Variants in TRIM3 observed in about 807,000 individuals in gnomAD.
The protein encoded by TRIM3 is tripartite motif containing 3, also known as tripartite motif-containing protein 3.
A neutral mutation model predicts 66.6 loss-of-function variants in TRIM3; 13 were observed. That is an observed-to-expected ratio of 0.20 (90% CI 0.13 to 0.31). The LOEUF (loss-of-function observed/expected upper bound fraction) is 0.31. Among genes scored for constraint, TRIM3 ranks in the 10% least tolerant of loss-of-function variants. The pLI is 1.00. For synonymous variants in TRIM3, 406 were observed against 411.7 expected, an observed-to-expected ratio of 0.99 and a Z score of 0.17; for missense variants, 711 against 1,020.4, an observed-to-expected ratio of 0.70 and a Z score of 4.13.
chr11:6,473,451 C>T (rs1321787303), intron 1 of TRIM3, among the ~76,000 whole-genome samples: 1 of 151,844 alleles, frequency 6.6e-6, no homozygotes, highest in African/African-American at 2.4e-5. Context: ...AGATGGGCCA[C>T]AATATTCCAG....
chr11:6,466,016 T>C (rs1850449056), intron 1 of TRIM3, among the ~76,000 whole-genome samples: 1 of 152,236 alleles, frequency 6.6e-6, no homozygotes, highest in African/African-American at 2.4e-5. Flanking sequence ...TCTCTTAATT[T>C]GTAATTACAG....
chr11:6,466,326 A>G (rs1850468381), intron 1 of TRIM3, among the ~76,000 whole-genome samples: 1 of 152,206 alleles, frequency 6.6e-6, no homozygotes, highest in Non-Finnish European at 1.5e-5. Context: ...CCCCTAATTC[A>G]GGCAACCATC....
At position 6,449,047 on chromosome 11, in the gene TRIM3, G is replaced by C. The variant is rs149261007; in HGVS notation, c.2216C>G (p.Ala739Gly). Residue 739 changes from alanine to glycine, a missense_variant, in exon 12 of 12, where the codon GCC becomes GGC. Around this residue, in one of 3 missense-constraint regions of TRIM3, gnomAD observed 163 missense variants for 321.9 expected, o/e 0.51. Transcript: ENST00000345851. This position sits in a 1 kb window ranked among gnomAD's most constrained non-coding sequence, Gnocchi z 5.3. ...VADAGNHCFK[A>G]YRYLQ is the part of the protein sequence containing the mutation. ...GTACAGCTACTGGAGGTAGCGATAGGCTTTAAAGCAGTGGTTGCCAGCATC... is the reference window on the plus strand; with the variant it reads ...GTACAGCTACTGGAGGTAGCGATAGCCTTTAAAGCAGTGGTTGCCAGCATC... 1.2e-6 allele frequency: 2 copies of C among 1,614,152 alleles called. No individual in the cohort carries two copies. The highest frequency in any genetic ancestry group is 4.5e-5 in the East Asian group (2 of 44,884).
At chr11:6,452,116 T>C (rs1849748895) in intron 7 of TRIM3, 1 of 152,542 alleles carries the variant, frequency 6.6e-6, no homozygotes, top group Non-Finnish European at 1.5e-5. Flanking sequence ...TGAGACTTAG[T>C]AGCAGACTGG....
At position 6,456,272 on chromosome 11, in the gene TRIM3, T is replaced by G. The variant is rs371544938; in HGVS notation, c.1429+25A>C. ...ACCCACTACCTGAGCCTGGCCCATC[T>G]GGCTCTGCCCTCGGCTGTCTGTACC... On this transcript the variant is annotated intron_variant, in intron 6 of 11. Coordinates refer to ENST00000345851, the MANE Select transcript of TRIM3 (RefSeq NM_033278.4). This position sits in a 1 kb window ranked among gnomAD's most constrained non-coding sequence, Gnocchi z 6.4. 15 of 1,584,240 alleles carry G rather than the reference T, an allele frequency of 9.5e-6. No individual in the cohort carries two copies. In the African/African-American group the frequency reaches 2.0e-4, roughly 21 times the overall value.
rs371457884 is a variant in TRIM3 at position 6,458,303 on chromosome 11, A to G, written c.132-7T>C. On this transcript the variant is annotated splice_region_variant and splice_polypyrimidine_tract_variant and intron_variant, in intron 2 of 11. Coordinates refer to ENST00000345851, the MANE Select transcript of TRIM3 (RefSeq NM_033278.4). This position sits in a 1 kb window ranked among gnomAD's most constrained non-coding sequence, Gnocchi z 6.2. ...GATATAGTTTTGGAGACATCTGTCC[A>G]GGAAGGAGAGTCAAAGAACAGAGTG... 1.9e-6 allele frequency: 3 copies of G among 1,606,782 alleles called. No homozygotes were observed. Among genetic ancestry groups the G allele is most frequent in the Non-Finnish European group, 2.6e-6 (3 of 1,174,132 alleles).
chr11:6,449,278 C>T lies in TRIM3; in HGVS notation c.2082+28G>A. On this transcript the variant is annotated intron_variant, in intron 11 of 11. Coordinates refer to ENST00000345851, the MANE Select transcript of TRIM3 (RefSeq NM_033278.4). This position sits in a 1 kb window ranked among gnomAD's most constrained non-coding sequence, Gnocchi z 5.3. ...TATGGGACACACCAGGAAACCGCCC[C>T]CTCATGTCATTCCCAGGCCTTACTC... 1 of 1,611,578 alleles carries T rather than the reference C, an allele frequency of 6.2e-7. No homozygotes were observed. Among genetic ancestry groups the T allele is most frequent in the Non-Finnish European group, 8.5e-7 (1 of 1,177,918 alleles).
chr11:6,449,616 A>T lies in TRIM3; in HGVS notation c.1942-170T>A. 1.8e-6 allele frequency: 1 copy of T among 552,094 alleles called. No homozygotes were observed. Among genetic ancestry groups the T allele is most frequent in the Non-Finnish European group, 3.1e-6 (1 of 317,796 alleles). 34.2% of individuals were successfully genotyped at this position (552,094 alleles called of 1,614,324 possible). ...CCATGTGCCCTACTGCCTAGTAGAC[A>T]TCTCTTGCTGATGTCCATTGGGAAT... On this transcript the variant is annotated intron_variant, in intron 10 of 11. Coordinates refer to ENST00000345851, the MANE Select transcript of TRIM3 (RefSeq NM_033278.4). This position sits in a 1 kb window ranked among gnomAD's most constrained non-coding sequence, Gnocchi z 5.3.
chr11:6,467,110 T>C (rs1422049944), intron 1 of TRIM3, among the ~76,000 whole-genome samples: 2 of 151,366 alleles, frequency 1.3e-5, no homozygotes, highest in East Asian at 3.9e-4. Flanking sequence ...GGTGGGGAGG[T>C]GGTGGCAGAT....
At chr11:6,462,218 A>G (rs1850274839) in intron 2 of TRIM3, among the ~76,000 whole-genome samples, 1 of 131,506 alleles carries the variant, frequency 7.6e-6, no homozygotes, top group African/African-American at 2.9e-5. Context: ...GTAAAACATT[A>G]ATACAAGCTG....
At position 6,456,745 on chromosome 11, in the gene TRIM3, G is replaced by T; in HGVS notation, c.981C>A (p.Ala327=). ...GCGCCTGGCGCAGGCCCTCTCCCGT[G>T]GCCACCGTTTCGTGTGCAGTGGCGC... ...TTSATAHETV[A]TGEGLRQALV... Residue 327 remains alanine (A), a synonymous_variant, in exon 6 of 12, where the codon GCC becomes GCA. Coordinates refer to ENST00000345851, the MANE Select transcript of TRIM3 (RefSeq NM_033278.4). The surrounding 1 kb of genome is among the most constrained non-coding windows in gnomAD (Gnocchi z 6.4). The T allele has an allele frequency of 6.2e-7, 1 of 1,611,044 alleles. No individual in the cohort carries two copies. Among genetic ancestry groups the T allele is most frequent in the Non-Finnish European group, 8.5e-7 (1 of 1,179,780 alleles).
intron 1 of TRIM3, among the ~76,000 whole-genome samples, chr11:6,466,489 T>C (rs1850475104): frequency 6.6e-6 from 1 of 152,196 alleles, no homozygotes. Flanking sequence ...TCAAATGTTA[T>C]CCATTGTCCA....
intron 8 of TRIM3, 54 bp from the exon 9 acceptor site, chr11:6,451,114 T>C: frequency 1.2e-6 from 2 of 1,606,534 alleles, no homozygotes; most frequent in African/African-American, 2.7e-5. Context: ...GGGAAAGTAG[T>C]CCTAACCCAG....
intron 7 of TRIM3, 155 bp from the exon 8 acceptor site, chr11:6,451,593 G>T: frequency 1.3e-6 from 1 of 752,380 alleles, no homozygotes; most frequent in Non-Finnish European, 2.1e-6. Flanking sequence ...ATGGCAGCAG[G>T]TCTGGGGCAA....
rs368340141 is a variant in TRIM3, at chr11:6,457,815, C to T, written c.396G>A (p.Thr132=). 20 of 1,614,074 alleles carry T rather than the reference C, an allele frequency of 1.2e-5. 1 individual carries two copies. In the Admixed American group the frequency reaches 1.7e-4, roughly 13 times the overall value. ...CGGCGCGGCACTCACCACACATGGC[C>T]GTCTCACAGGCCTCACAGTAAAACT... ...TMEFYCEACE[T]AMCGECRAGE... The change falls in exon 4 of 12, where the codon ACG becomes ACA. Residue 132 remains threonine, a synonymous_variant. Coordinates refer to ENST00000345851, the MANE Select transcript of TRIM3 (RefSeq NM_033278.4). This position sits in a 1 kb window ranked among gnomAD's most constrained non-coding sequence, Gnocchi z 4.5.
rs562770801 is a variant in TRIM3 at position 6,458,233 on chromosome 11, C to T, written c.195G>A (p.Thr65=). Reference sequence around the variant, plus strand: ...AGACGCCCTGCTCTGGGAGGATGGACGTCTGCCGGCATACTGGACAGGATA... The same window carrying T: ...AGACGCCCTGCTCTGGGAGGATGGATGTCTGCCGGCATACTGGACAGGATA... ...LTLSCPVCRQ[T]SILPEQGVSA... The change falls in exon 3 of 12, where the codon ACG becomes ACA. Residue 65 remains threonine, a synonymous_variant. Transcript: ENST00000345851. The surrounding 1 kb of genome is among the most constrained non-coding windows in gnomAD (Gnocchi z 6.2). The T allele has an allele frequency of 1.4e-5, 22 of 1,614,200 alleles. No homozygotes were observed. In the East Asian group the frequency reaches 2.2e-4, roughly 16 times the overall value.
intron 2 of TRIM3, among the ~76,000 whole-genome samples, chr11:6,459,570 G>A (rs531963704): frequency 6.6e-6 from 1 of 152,332 alleles, no homozygotes; most frequent in East Asian, 1.9e-4. Context: ...AGTAGGTGCT[G>A]AAGCCTGTCT....
At chr11:6,468,504 G>A (rs1038962310) in intron 1 of TRIM3, among the ~76,000 whole-genome samples, 2 of 152,194 alleles carry the variant, frequency 1.3e-5, no homozygotes, top group African/African-American at 2.4e-5. Flanking sequence ...GCCAGCAAAG[G>A]TGACTCTGAG....
intron 2 of TRIM3, among the ~76,000 whole-genome samples, chr11:6,460,740 C>T (rs1250850828): frequency 6.6e-6 from 1 of 152,106 alleles, no homozygotes; most frequent in African/African-American, 2.4e-5. Context: ...CTGCATTATG[C>T]AAACTCTCCC....
Sources: allele counts gnomAD v4.1 joint callset (sites outside exome capture counted in the v4.1 genomes callset), GRCh38; gene constraint gnomAD v4.1.1; regional missense constraint gnomAD v4.1.1; non-coding constraint Gnocchi (gnomAD v3.1); transcripts MANE v1.5; gene names NCBI Gene and HGNC (gene_info 2026-07-23, HGNC 2026-07-21).